The following PTPRN2 variants were observed in gnomAD, a reference collection of about 807,000 sequenced individuals.
The protein encoded by PTPRN2 is protein tyrosine phosphatase receptor type N2.
Under a neutral mutation model 118.8 loss-of-function variants are expected in PTPRN2, and 74 were observed. The observed-to-expected ratio is 0.62, with a 90% CI of 0.52 to 0.76. The LOEUF is 0.76. Among genes scored for constraint, PTPRN2 ranks in the 30% least tolerant of loss-of-function variants. PTPRN2 has a pLI of 0.00. For missense variants in PTPRN2, 1,481 were observed against 1,394.4 expected (o/e 1.06, Z -0.99); for synonymous variants, 641 against 608.0 (o/e 1.05, Z -0.80).
intron 11 of PTPRN2, among the ~76,000 whole-genome samples, chr7:158,065,992 T>G (rs1810744115): frequency 6.6e-6 from 1 of 152,228 alleles, no homozygotes; most frequent in Non-Finnish European, 1.5e-5. Context: ...GCCCTGGCTC[T>G]CTAACCTCAC....
chr7:157,641,492 G>C (rs936938902), intron 14 of PTPRN2, among the ~76,000 whole-genome samples: 4 of 152,154 alleles, frequency 2.6e-5, no homozygotes, highest in African/African-American at 4.8e-5. Context: ...CACAGTGGGC[G>C]TCATTATTTT....
chr7:158,279,751 C>T (rs901554778), intron 3 of PTPRN2, among the ~76,000 whole-genome samples: 24 of 152,304 alleles, frequency 1.6e-4, no homozygotes, highest in Non-Finnish European at 2.6e-4. Context: ...GAGCCGGCTC[C>T]GGCCTCAGCA....
chr7:158,317,507 T>G (rs1353218683), intron 2 of PTPRN2, among the ~76,000 whole-genome samples: 1 of 152,252 alleles, frequency 6.6e-6, no homozygotes, highest in African/African-American at 2.4e-5. Context: ...ATTCCATTTG[T>G]CTGAAATGGC....
chr7:157,840,594 T>C (rs10234881), intron 12 of PTPRN2, among the ~76,000 whole-genome samples: 19,369 of 152,164 alleles, frequency 0.13, 2,492 homozygotes, highest in African/African-American at 0.33. Flanking sequence ...CCGAGCCGGC[T>C]GAAGCCCACA....
intron 11 of PTPRN2, among the ~76,000 whole-genome samples, chr7:157,982,291 CA>C (rs1803300439): frequency 2.5e-5 from 1 of 39,772 alleles, no homozygotes; most frequent in Non-Finnish European, 5.0e-5. Flanking sequence ...ATGCAGAGTG[CA>C]GGGTCCCCCC....
intron 17 of PTPRN2, among the ~76,000 whole-genome samples, chr7:157,579,007 T>C (rs1228293755): frequency 6.6e-6 from 1 of 151,656 alleles, no homozygotes; most frequent in Non-Finnish European, 1.5e-5. Context: ...GTAAATTTGG[T>C]ATCCAAGACA....
At chr7:158,443,486 G>T (rs982513854) in intron 2 of PTPRN2, among the ~76,000 whole-genome samples, 2 of 152,226 alleles carry the variant, frequency 1.3e-5, no homozygotes, top group Non-Finnish European at 2.9e-5. Context: ...GGTCAGTCAC[G>T]CTATGCAGCT....
At position 157,595,667 on chromosome 7, in the gene PTPRN2, GC is replaced by G. The variant is rs1304678472; in HGVS notation, c.2419-353del. Reference sequence around the variant, plus strand: ...GGTTAGGAAGCCCGGAAGTTAGGGAGCCCAGAGGTTAGGGAGCCTGGAGGTT... The same window carrying G: ...GGTTAGGAAGCCCGGAAGTTAGGGAGCCAGAGGTTAGGGAGCCTGGAGGTT... On this transcript the variant is annotated intron_variant, in intron 16 of 22. Transcript: ENST00000389418. 4.1e-5 allele frequency among the ~76,000 whole-genome samples: 6 copies of G among 146,486 alleles called. No individual in the cohort carries two copies. In the East Asian group the frequency reaches 6.7e-4, roughly 16 times the overall value.
At chr7:158,255,449 G>A (rs936789001) in intron 3 of PTPRN2, among the ~76,000 whole-genome samples, 25 of 152,160 alleles carry the variant, frequency 1.6e-4, no homozygotes, top group African/African-American at 5.8e-4. Flanking sequence ...CCAAAGATCC[G>A]CGGCCGAACC....
Position 157,716,339 on chromosome 7 carries a change from T to C in PTPRN2, c.1789-33402A>G, listed in dbSNP as rs201820418. Among the ~76,000 whole-genome samples, 248 of 104,612 alleles carry C rather than the reference T, an allele frequency of 2.4e-3. 9 individuals are homozygous for C. Among genetic ancestry groups the C allele is most frequent in the Middle Eastern group, 5.8e-3 (1 of 172 alleles). The allele number at this position is 104,612 out of a possible 152,430, so 68.6% of individuals were successfully genotyped here. On this transcript the variant is annotated intron_variant, in intron 12 of 22. Coordinates refer to ENST00000389418, the MANE Select transcript of PTPRN2 (RefSeq NM_002847.5). ...TCTGCAGGAACACTGCCTGGCCACATAGACTCTGCAGGAACACTGCCTGGT... is the reference window on the plus strand; with the variant it reads ...TCTGCAGGAACACTGCCTGGCCACACAGACTCTGCAGGAACACTGCCTGGT...
chr7:157,565,893 T>C (rs1382927056), intron 21 of PTPRN2, among the ~76,000 whole-genome samples: 2 of 152,206 alleles, frequency 1.3e-5, no homozygotes, highest in Non-Finnish European at 2.9e-5. Context: ...GCCACAGAAA[T>C]GACACGTGTA....
intron 3 of PTPRN2, among the ~76,000 whole-genome samples, chr7:158,271,179 A>G (rs1410071254): frequency 6.6e-6 from 1 of 150,592 alleles, no homozygotes; most frequent in African/African-American, 2.5e-5. Flanking sequence ...ATTCGACTCT[A>G]GTGGGTGGCC....
chr7:158,328,904 A>T (rs1803888892), intron 2 of PTPRN2, among the ~76,000 whole-genome samples: 2 of 146,148 alleles, frequency 1.4e-5, no homozygotes, highest in Admixed American at 1.4e-4. Context: ...CCACCCAGGG[A>T]TCCCAGTGAG....
intron 2 of PTPRN2, among the ~76,000 whole-genome samples, chr7:158,344,929 C>T (rs1280954687): frequency 6.6e-6 from 1 of 152,200 alleles, no homozygotes; most frequent in Non-Finnish European, 1.5e-5. Flanking sequence ...AACCCAGAAG[C>T]TGATGGACGA....
chr7:158,465,152 T>C (rs1302266024), intron 2 of PTPRN2, among the ~76,000 whole-genome samples: 2 of 152,202 alleles, frequency 1.3e-5, no homozygotes, highest in Admixed American at 6.5e-5. Context: ...TCCTGGGCCT[T>C]GTATGTGGAG....
intron 1 of PTPRN2, among the ~76,000 whole-genome samples, chr7:158,535,828 T>C (rs1340548608): frequency 6.6e-6 from 1 of 151,476 alleles, no homozygotes; most frequent in Non-Finnish European, 1.5e-5. Flanking sequence ...TTGATTATAT[T>C]TGGGATTTTT....
At chr7:158,211,143 T>C (rs919124987) in intron 3 of PTPRN2, among the ~76,000 whole-genome samples, 1 of 152,076 alleles carries the variant, frequency 6.6e-6, no homozygotes, top group Non-Finnish European at 1.5e-5. Context: ...GAAACTAGAC[T>C]CCTATCTCTT....
chr7:158,025,958 G>A (rs1807231524), intron 11 of PTPRN2, among the ~76,000 whole-genome samples: 1 of 152,206 alleles, frequency 6.6e-6, no homozygotes, highest in Non-Finnish European at 1.5e-5. Context: ...AGTTGTTATT[G>A]ACAATTAATA....
intron 2 of PTPRN2, among the ~76,000 whole-genome samples, chr7:158,476,798 C>T (rs985392703): frequency 2.6e-5 from 4 of 152,360 alleles, no homozygotes; most frequent in East Asian, 1.9e-4. Context: ...CTGTTCCTCC[C>T]GCTTCTCCTT....
Sources: allele counts gnomAD v4.1 joint callset (sites outside exome capture counted in the v4.1 genomes callset), GRCh38; gene constraint gnomAD v4.1.1; transcripts MANE v1.5; gene names NCBI Gene and HGNC (gene_info 2026-07-23, HGNC 2026-07-21).